SF3B3: variants seen among roughly 807,000 people sequenced by gnomAD.
The protein encoded by SF3B3 is splicing factor 3b subunit 3, also known as SAP 130.
In SF3B3, 33 loss-of-function variants were observed where a neutral mutation model predicts 139.2. That is an observed-to-expected ratio of 0.24 (90% CI 0.18 to 0.32). The LOEUF (loss-of-function observed/expected upper bound fraction) is 0.32. SF3B3 is among the 10% of genes least tolerant of loss of function. SF3B3 has a pLI of 1.00. For missense variants in SF3B3, 818 were observed against 1,509.4 expected (o/e 0.54, Z 7.59); for synonymous variants, 596 against 563.6 (o/e 1.06, Z -0.81).
At chr16:70,549,157 C>G (rs1247166128) in intron 11 of SF3B3, among the ~76,000 whole-genome samples, 1 of 152,212 alleles carries the variant, frequency 6.6e-6, no homozygotes, top group African/African-American at 2.4e-5. Context: ...CTCTTGTTCT[C>G]TCAGGAATGT....
At chr16:70,546,851 C>G (rs1053044415) in intron 10 of SF3B3, among the ~76,000 whole-genome samples, 1 of 152,120 alleles carries the variant, frequency 6.6e-6, no homozygotes, top group Non-Finnish European at 1.5e-5. Context: ...CACGGTGAAA[C>G]CCCGTCTCTA....
intron 4 of SF3B3, 54 bp from the exon 5 acceptor site, chr16:70,532,425 C>G (rs1415902714): frequency 6.4e-7 from 1 of 1,554,786 alleles, no homozygotes; most frequent in Non-Finnish European, 8.8e-7. Flanking sequence ...GATGTCCTTT[C>G]CAGATCTTCG....
chr16:70,563,097 A>T (rs2050444822), intron 17 of SF3B3, among the ~76,000 whole-genome samples: 1 of 151,978 alleles, frequency 6.6e-6, no homozygotes, highest in South Asian at 2.1e-4. Context: ...CCTCCCAAGT[A>T]GCTGGGACTA....
In SF3B3 at chr16:70,556,255, C is replaced by G. The variant is rs748575144; in HGVS notation, c.1787C>G (p.Pro596Arg). 1 of 1,614,118 alleles carries G rather than the reference C, an allele frequency of 6.2e-7. No homozygotes were observed. Among genetic ancestry groups the G allele is most frequent in the Non-Finnish European group, 8.5e-7 (1 of 1,180,006 alleles). The change falls in exon 14 of 26, where the codon CCC becomes CGC. Residue 596 changes from proline to arginine, a missense_variant. Physicochemically the swap from Pro to Arg is moderately radical, Grantham distance 103. Transcript: ENST00000302516. Reference sequence around the variant, plus strand: ...GTGTGCATGAGTCTGGCCAATGTACCCCCTGGAGAGCAGCGGTCTCGCTTC... The same window carrying G: ...GTGTGCATGAGTCTGGCCAATGTACGCCCTGGAGAGCAGCGGTCTCGCTTC... The part of the protein sequence containing the change: ...DVVCMSLANV[P>R]PGEQRSRFLA...
At chr16:70,569,282 A>G (rs1246273647) in intron 23 of SF3B3, 141 bp downstream of exon 23, 2 of 577,404 alleles carry the variant, frequency 3.5e-6, no homozygotes, top group Non-Finnish European at 6.1e-6. Flanking sequence ...CTTTCTTACC[A>G]ATCTGCAAAA....
Position 70,559,768 on chromosome 16 carries a change from CT to C in SF3B3, c.2011-688del, listed in dbSNP as rs35881730. Among the ~76,000 whole-genome samples the C allele has an allele frequency of 3.2e-3, 457 of 144,534 alleles. 1 individual carries two copies. Among genetic ancestry groups the C allele is most frequent in the African/African-American group, 4.4e-3 (172 of 39,532 alleles). 94.8% of individuals were successfully genotyped at this position (144,534 alleles called of 152,430 possible). On this transcript the variant is annotated intron_variant, in intron 15 of 25. Coordinates refer to ENST00000302516, the MANE Select transcript of SF3B3 (RefSeq NM_012426.5). ...TTTTATACATTTGTGCTGAAAACTCCTTTTTTTTTTTTTAAACAGAGACAGA... is the reference window on the plus strand; with the variant it reads ...TTTTATACATTTGTGCTGAAAACTCCTTTTTTTTTTTTAAACAGAGACAGA...
chr16:70,568,598 G>A (rs1333292053), intron 22 of SF3B3, 103 bp downstream of exon 22: 6 of 859,872 alleles, frequency 7.0e-6, no homozygotes, highest in Non-Finnish European at 1.1e-5. Context: ...AAGTAAAAAT[G>A]GATATAAAAT....
chr16:70,563,726 T>C (rs1364132812), intron 17 of SF3B3, 150 bp from the exon 18 acceptor site: 3 of 673,104 alleles, frequency 4.5e-6, no homozygotes, highest in Non-Finnish European at 7.6e-6. Flanking sequence ...CGCAGAGTTT[T>C]CTAGAGTAGG....
Position 70,568,518 on chromosome 16 carries a change from G to A in SF3B3, c.3165+23G>A, listed in dbSNP as rs372233074. 6.4e-5 allele frequency: 102 copies of A among 1,587,132 alleles called. No individual in the cohort carries two copies. The African/African-American group carries it at 1.3e-3, about 20-fold the overall frequency. On this transcript the variant is annotated intron_variant, in intron 22 of 25. Transcript: ENST00000302516. ...GTGGTGAGTTGATGTTGTTAACTTG[G>A]GTTACAGTGATGTGTAGGAAAGCTG...
intron 3 of SF3B3, among the ~76,000 whole-genome samples, chr16:70,530,341 CAG>C (rs960164102): frequency 1.4e-5 from 2 of 141,710 alleles, no homozygotes; most frequent in African/African-American, 5.3e-5. Context: ...TCAAATGAGG[CAG>C]AGTTTCGCAC....
intron 15 of SF3B3, 47 bp downstream of exon 15, chr16:70,557,076 G>A (rs779696294): frequency 1.8e-5 from 27 of 1,529,962 alleles, no homozygotes; most frequent in Admixed American, 8.8e-5. Context: ...CCTTCTGTAC[G>A]TTTCACACAC....
At chr16:70,568,921 A>C in intron 22 of SF3B3, 122 bp from the exon 23 acceptor site, 6 of 639,948 alleles carry the variant, frequency 9.4e-6, no homozygotes, top group Non-Finnish European at 1.6e-5. Flanking sequence ...ACGTGGGCTC[A>C]GGCCTCTGTC....
chr16:70,567,887 A>G (rs1284541788), intron 21 of SF3B3, among the ~76,000 whole-genome samples: 2 of 152,120 alleles, frequency 1.3e-5, no homozygotes, highest in African/African-American at 2.4e-5. Context: ...GGGTTTTACC[A>G]TGTTGGCCAG....
At chr16:70,554,821 T>C (rs945880435) in intron 12 of SF3B3, among the ~76,000 whole-genome samples, 1 of 152,248 alleles carries the variant, frequency 6.6e-6, no homozygotes, top group East Asian at 1.9e-4. Flanking sequence ...TCTTTATAAG[T>C]GTTTTGTTAA....
chr16:70,542,716 T>G (rs1456622728), intron 9 of SF3B3, among the ~76,000 whole-genome samples: 1 of 151,748 alleles, frequency 6.6e-6, no homozygotes, highest in Non-Finnish European at 1.5e-5. Context: ...TTCTTTTTTT[T>G]TCTTTTTTTT....
chr16:70,568,548 A>C, intron 22 of SF3B3, 53 bp downstream of exon 22: 1 of 1,448,030 alleles, frequency 6.9e-7, no homozygotes, highest in Non-Finnish European at 9.6e-7. Flanking sequence ...AAGCTGGCTC[A>C]GTTTCTTGTG....
At chr16:70,535,473 C>A in intron 6 of SF3B3, 53 bp downstream of exon 6, 1 of 1,048,984 alleles carries the variant, frequency 9.5e-7, no homozygotes, top group Non-Finnish European at 1.4e-6. Flanking sequence ...TTTGTGATTA[C>A]AGTGTAGTCT....
chr16:70,569,272 C>G, intron 23 of SF3B3, 131 bp downstream of exon 23: 1 of 606,930 alleles, frequency 1.6e-6, no homozygotes, highest in Non-Finnish European at 2.9e-6. Context: ...GTCCACAGTC[C>G]TTTCTTACCA....
intron 3 of SF3B3, among the ~76,000 whole-genome samples, chr16:70,530,314 C>T (rs1304227107): frequency 4.8e-5 from 6 of 125,988 alleles, no homozygotes; most frequent in South Asian, 2.5e-4. Flanking sequence ...ATTGTCTATT[C>T]TTTTTTTTTT....
Sources: allele counts gnomAD v4.1 joint callset (sites outside exome capture counted in the v4.1 genomes callset), GRCh38; gene constraint gnomAD v4.1.1; transcripts MANE v1.5; gene names NCBI Gene and HGNC (gene_info 2026-07-23, HGNC 2026-07-21).